GPC6: variants seen among roughly 807,000 people sequenced by gnomAD.
The protein encoded by GPC6 is glypican-6.
GPC6 carries 14 observed loss-of-function variants against 55.2 expected under a neutral mutation model. The observed-to-expected ratio is 0.25, with a 90% confidence interval of 0.17 to 0.40. The LOEUF (loss-of-function observed/expected upper bound fraction) is 0.40, where lower values mean the gene tolerates loss of function less well. Ranked by LOEUF, GPC6 falls within the 10% of genes least tolerant of loss-of-function variation. GPC6 has a pLI of 1.00. For synonymous variants in GPC6, 278 were observed against 259.6 expected (o/e 1.07, Z -0.68); for missense variants, 641 against 708.5 (o/e 0.90, Z 1.08).
At chr13:93,491,694 TG>T (rs1880012018) in intron 1 of GPC6, among the ~76,000 whole-genome samples, 1 of 139,076 alleles carries the variant, frequency 7.2e-6, no homozygotes. Context: ...AATTGATTTT[TG>T]TATAAGGTGT....
intron 1 of GPC6, among the ~76,000 whole-genome samples, chr13:93,249,728 T>G (rs1054863168): frequency 1.3e-5 from 2 of 152,164 alleles, no homozygotes; most frequent in Non-Finnish European, 2.9e-5. Context: ...TGCGGGTGAG[T>G]CATCATTCCT....
At chr13:93,606,970 A>G (rs1467176362) in intron 2 of GPC6, among the ~76,000 whole-genome samples, 2 of 152,164 alleles carry the variant, frequency 1.3e-5, no homozygotes, top group African/African-American at 4.8e-5. Flanking sequence ...TTGAATGAAT[A>G]TATAATTTAT....
At chr13:94,297,651 TA>T (rs1875416409) in intron 5 of GPC6, among the ~76,000 whole-genome samples, 1 of 152,224 alleles carries the variant, frequency 6.6e-6, no homozygotes, top group Non-Finnish European at 1.5e-5. Flanking sequence ...ATCCGACAGA[TA>T]TTCTGGAACC....
At chr13:93,667,241 A>C (rs977332722) in intron 2 of GPC6, among the ~76,000 whole-genome samples, 3 of 152,120 alleles carry the variant, frequency 2.0e-5, no homozygotes, top group African/African-American at 7.2e-5. Flanking sequence ...GAAGAGGTAA[A>C]ATTTTTTTCA....
At chr13:93,337,725 G>A (rs938173861) in intron 1 of GPC6, among the ~76,000 whole-genome samples, 4 of 152,192 alleles carry the variant, frequency 2.6e-5, no homozygotes, top group African/African-American at 9.6e-5. Context: ...TGGTGGAGAT[G>A]CTTATGTTGC....
chr13:94,391,619 A>G (rs1480091199), intron 7 of GPC6, among the ~76,000 whole-genome samples: 1 of 152,226 alleles, frequency 6.6e-6, no homozygotes, highest in African/African-American at 2.4e-5. Flanking sequence ...TATAACTAAA[A>G]CTTGAATTTT....
chr13:93,945,635 T>G (rs1241796285), intron 3 of GPC6, among the ~76,000 whole-genome samples: 2 of 152,234 alleles, frequency 1.3e-5, no homozygotes, highest in Non-Finnish European at 2.9e-5. Context: ...CTGACTGTTT[T>G]GGGCTGATTG....
rs548318194 is a variant in GPC6, at chr13:94,102,960, A to G, written c.877+75066A>G. On this transcript the variant is annotated intron_variant, in intron 4 of 8. Transcript: ENST00000377047. ...GTGCAGGTTTGTTACATATGTATAC[A>G]TGTGCCATGTTGGTGTGCTGCACCC... 1.1e-3 allele frequency among the ~76,000 whole-genome samples: 162 copies of G among 152,278 alleles called. No homozygotes were observed. In the Middle Eastern group the frequency reaches 0.014, roughly 13 times the overall value.
intron 2 of GPC6, among the ~76,000 whole-genome samples, chr13:93,646,206 A>G (rs753619989): frequency 6.6e-6 from 1 of 152,160 alleles, no homozygotes; most frequent in Non-Finnish European, 1.5e-5. Flanking sequence ...TAACTTGTGA[A>G]TTTCCTAAAC....
chr13:93,681,420 G>T (rs1372787100), intron 2 of GPC6, among the ~76,000 whole-genome samples: 1 of 152,072 alleles, frequency 6.6e-6, no homozygotes, highest in African/African-American at 2.4e-5. Context: ...CATGGGATTT[G>T]GGGGTATATG....
intron 1 of GPC6, among the ~76,000 whole-genome samples, chr13:93,300,520 T>C (rs1252424296): frequency 6.6e-6 from 1 of 151,212 alleles, no homozygotes; most frequent in Non-Finnish European, 1.5e-5. Context: ...TGGTGGCGGG[T>C]GCCTGTAGTC....
At chr13:94,023,606 C>T (rs1882785525) in intron 3 of GPC6, among the ~76,000 whole-genome samples, 1 of 151,982 alleles carries the variant, frequency 6.6e-6, no homozygotes, top group Non-Finnish European at 1.5e-5. Flanking sequence ...CCATGTGATC[C>T]AGCAATTGCA....
At chr13:93,234,694 G>GAGAGAGAGAGAGAGAGTGCA (rs1876173088) in intron 1 of GPC6, among the ~76,000 whole-genome samples, 1 of 151,506 alleles carries the variant, frequency 6.6e-6, no homozygotes, top group African/African-American at 2.4e-5. Context: ...GTGTGAGAGA[G>GAGAGAGAGAGAGAGAGTGCA]AGAGAGAGAG....
chr13:93,843,534 T>G (rs1418722243), intron 3 of GPC6, among the ~76,000 whole-genome samples: 3 of 152,286 alleles, frequency 2.0e-5, no homozygotes, highest in Admixed American at 6.5e-5. Context: ...TATGTCAGAT[T>G]AAAAACTGGT....
intron 1 of GPC6, among the ~76,000 whole-genome samples, chr13:93,374,596 A>G (rs555601027): frequency 2.0e-5 from 3 of 152,346 alleles, no homozygotes; most frequent in African/African-American, 4.8e-5. Flanking sequence ...GCCTTTGCAG[A>G]TATTTGGAAA....
At chr13:93,505,450 C>CAG (rs1351293040) in intron 1 of GPC6, among the ~76,000 whole-genome samples, 2 of 151,752 alleles carry the variant, frequency 1.3e-5, no homozygotes, top group Non-Finnish European at 2.9e-5. Flanking sequence ...CACACACACA[C>CAG]AGAGACAGAG....
rs193239501 is a variant in GPC6, at chr13:94,367,319, C to A, written c.1153-15095C>A. On this transcript the variant is annotated intron_variant, in intron 6 of 8. Coordinates refer to ENST00000377047, the MANE Select transcript of GPC6 (RefSeq NM_005708.5). ...TGACTTGGTCTGGATTCCCAAAGAA[C>A]AAATGACTTCTTGTGTTTTTCTTTT... Among the ~76,000 whole-genome samples, 617 of 152,326 alleles carry A rather than the reference C, an allele frequency of 4.1e-3. 4 individuals carry two copies. The highest frequency in any genetic ancestry group is 6.7e-3 in the Non-Finnish European group (453 of 68,016).
At chr13:93,234,361 A>T (rs1266632332) in intron 1 of GPC6, among the ~76,000 whole-genome samples, 1 of 152,096 alleles carries the variant, frequency 6.6e-6, no homozygotes, top group Non-Finnish European at 1.5e-5. Flanking sequence ...CCCCACCCCC[A>T]TCAGTCCTGA....
intron 2 of GPC6, among the ~76,000 whole-genome samples, chr13:93,816,954 A>T (rs1353042211): frequency 1.3e-5 from 2 of 152,166 alleles, no homozygotes; most frequent in African/African-American, 2.4e-5. Flanking sequence ...GTACCTTCCC[A>T]TTAATAGACC....
Sources: allele counts gnomAD v4.1 joint callset (sites outside exome capture counted in the v4.1 genomes callset), GRCh38; gene constraint gnomAD v4.1.1; transcripts MANE v1.5; gene names NCBI Gene and HGNC (gene_info 2026-07-23, HGNC 2026-07-21).